Variants in DPH6 observed in about 807,000 individuals in gnomAD.
DPH6 encodes diphthamine biosynthesis 6.
A neutral mutation model predicts 38.2 loss-of-function variants in DPH6; 33 were observed. The ratio of observed to expected loss-of-function variants is 0.86; its 90% confidence interval spans 0.65 to 1.15. The LOEUF is 1.15. Ranked by LOEUF, DPH6 falls within the 50% of genes most tolerant of loss-of-function variation. The pLI, the probability that DPH6 is intolerant of heterozygous loss-of-function variation, is 0.00. For missense variants in DPH6, 325 were observed against 320.0 expected, an observed-to-expected ratio of 1.02 and a Z score of -0.12; for synonymous variants, 108 against 103.0, an observed-to-expected ratio of 1.05 and a Z score of -0.30.
At chr15:35,210,992 A>G in the DPH6 span, among the ~76,000 whole-genome samples, 1 of 124,850 alleles carries the variant, frequency 8.0e-6, no homozygotes, top group South Asian at 2.5e-4. Context: ...AGCCTCTATA[A>G]TTGGACATAA....
chr15:35,341,505 A>G (rs1189873760), intron 3 of DPH6, among the ~76,000 whole-genome samples: 1 of 151,662 alleles, frequency 6.6e-6, no homozygotes, highest in African/African-American at 2.4e-5. Context: ...TTGTGGGCTT[A>G]TTTTCCTTTG....
chr15:35,299,534 G>C (rs2052040315), intron 3 of DPH6: 1 of 596,246 alleles, frequency 1.7e-6, no homozygotes, highest in Admixed American at 2.7e-5. Context: ...GCCAACGGCG[G>C]CACCACCCTC....
intron 3 of DPH6, among the ~76,000 whole-genome samples, chr15:35,349,525 C>T (rs1406272500): frequency 1.3e-5 from 2 of 152,280 alleles, no homozygotes; most frequent in East Asian, 3.9e-4. Flanking sequence ...CAACCTCTGC[C>T]TTCTGGGTTC....
downstream of DPH6, chr15:35,365,986 T>TG: frequency 6.1e-6 from 6 of 985,192 alleles, no homozygotes; most frequent in Non-Finnish European, 7.2e-6. Flanking sequence ...AGGGCAAAGG[T>TG]GGGGAGAGAC....
At chr15:35,532,718 C>T (rs2055106540) in intron 3 of DPH6, among the ~76,000 whole-genome samples, 1 of 151,876 alleles carries the variant, frequency 6.6e-6, no homozygotes, top group Admixed American at 6.6e-5. Flanking sequence ...ACTATAAGCT[C>T]ACTGCTTTAG....
At chr15:35,247,850 C>G (rs1012846076) in intron 3 of DPH6, among the ~76,000 whole-genome samples, 3 of 152,094 alleles carry the variant, frequency 2.0e-5, no homozygotes, top group Admixed American at 2.0e-4. Flanking sequence ...GGTAAAAGGT[C>G]AAAGCAACTA....
At chr15:35,292,023 CAT>C (rs1353659965) in intron 3 of DPH6, among the ~76,000 whole-genome samples, 2 of 152,080 alleles carry the variant, frequency 1.3e-5, no homozygotes, top group African/African-American at 2.4e-5. Flanking sequence ...CTTGCTTCCT[CAT>C]ATAAATGCTT....
At chr15:35,233,415 T>C (rs1405651565) in intron 3 of DPH6, among the ~76,000 whole-genome samples, 1 of 152,196 alleles carries the variant, frequency 6.6e-6, no homozygotes, top group Non-Finnish European at 1.5e-5. Flanking sequence ...CAAATTCTTT[T>C]TGTTGTTATA....
intron 3 of DPH6, among the ~76,000 whole-genome samples, chr15:35,314,099 CA>C (rs35052950): frequency 2.7e-3 from 316 of 116,560 alleles, no homozygotes; most frequent in Middle Eastern, 5.2e-3. Flanking sequence ...AACTCAATAG[CA>C]AAAAAAAAAA....
chr15:35,491,499 T>C (rs1327436757), intron 3 of DPH6, among the ~76,000 whole-genome samples: 9 of 150,344 alleles, frequency 6.0e-5, no homozygotes, highest in East Asian at 4.0e-4. Flanking sequence ...TTAACACAAA[T>C]ATAAGGTTAT....
At position 35,371,356 on chromosome 15, in the gene DPH6, G is replaced by A. The variant is rs2140920445; in HGVS notation, c.*794C>T. ...AACCCTCACGTAAACTATGGACTTTGGGTGATAATAATGTGTCAATGTAGG... is the reference window on the plus strand; with the variant it reads ...AACCCTCACGTAAACTATGGACTTTAGGTGATAATAATGTGTCAATGTAGG... On this transcript the variant is annotated 3_prime_UTR_variant, in exon 9 of 9. Transcript: ENST00000256538. 6.2e-6 allele frequency: 1 copy of A among 161,154 alleles called. No homozygotes were observed. Among genetic ancestry groups the A allele is most frequent in the South Asian group, 2.0e-4 (1 of 4,996 alleles). The allele number at this position is 161,154 out of a possible 1,614,324, so 10.0% of individuals were successfully genotyped here.
intron 3 of DPH6, among the ~76,000 whole-genome samples, chr15:35,513,043 G>C (rs904428829): frequency 1.3e-5 from 2 of 151,932 alleles, no homozygotes; most frequent in Admixed American, 6.6e-5. Context: ...TTATCTTACT[G>C]AAGAGATTTT....
In DPH6 at chr15:35,280,002, A is replaced by G. The variant is rs148238795; in HGVS notation, n.201-59420T>C. Among the ~76,000 whole-genome samples the G allele has an allele frequency of 3.3e-3, 508 of 152,324 alleles. 4 individuals carry two copies. The highest frequency in any genetic ancestry group is 6.0e-3 in the South Asian group (29 of 4,826). On this transcript the variant is annotated intron_variant and non_coding_transcript_variant, in intron 3 of 3. Transcript: ENST00000560386. ...TGTACCAGGGAAAGGCCATATGAGG[A>G]CACAGTGAGAAGACAGAGCCCTCAT...
intron 3 of DPH6, among the ~76,000 whole-genome samples, chr15:35,255,861 C>G (rs2051704689): frequency 6.6e-6 from 1 of 151,980 alleles, no homozygotes; most frequent in Admixed American, 6.6e-5. Flanking sequence ...TTATTTTCAT[C>G]TTTGTCCAAC....
intron 3 of DPH6, among the ~76,000 whole-genome samples, chr15:35,317,296 A>G (rs2052199152): frequency 6.6e-6 from 1 of 151,440 alleles, no homozygotes; most frequent in Non-Finnish European, 1.5e-5. Context: ...AGAGAAAGAA[A>G]GAAGGAAAGA....
At chr15:35,191,805 A>G in the DPH6 span, among the ~76,000 whole-genome samples, 1 of 152,214 alleles carries the variant, frequency 6.6e-6, no homozygotes, top group African/African-American at 2.4e-5. Flanking sequence ...CTCAGTAATG[A>G]GATACCAGAG....
At chr15:35,370,040 G>C (rs2052696999), downstream of DPH6, among the ~76,000 whole-genome samples, 1 of 151,770 alleles carries the variant, frequency 6.6e-6, no homozygotes, top group South Asian at 2.1e-4. Context: ...GAACAGACTG[G>C]GGAGCCCAGA....
At chr15:35,364,379 A>G (rs1485151937) in intron 3 of DPH6, among the ~76,000 whole-genome samples, 6 of 152,090 alleles carry the variant, frequency 3.9e-5, no homozygotes, top group African/African-American at 1.4e-4. Context: ...AGTTGCAGAC[A>G]TTACTCTTTA....
chr15:35,436,753 G>GTTTTTT (rs57241274), intron 5 of DPH6, among the ~76,000 whole-genome samples: 1 of 144,048 alleles, frequency 6.9e-6, no homozygotes, highest in Non-Finnish European at 1.5e-5. Context: ...CTGCCTTTAA[G>GTTTTTT]TTTTTTTTTT....
Sources: allele counts gnomAD v4.1 joint callset (sites outside exome capture counted in the v4.1 genomes callset), GRCh38; gene constraint gnomAD v4.1.1; transcripts MANE v1.5; gene names NCBI Gene and HGNC (gene_info 2026-07-23, HGNC 2026-07-21).